Variants in RB1CC1 observed in about 807,000 individuals in gnomAD.
RB1CC1 encodes RB1 inducible coiled-coil 1.
A neutral mutation model predicts 177.5 loss-of-function variants in RB1CC1; 46 were observed. That is an observed-to-expected ratio of 0.26 (90% CI 0.20 to 0.33). RB1CC1 has a LOEUF of 0.33. RB1CC1 is among the 10% of genes least tolerant of loss of function. The pLI, the probability that RB1CC1 is intolerant of heterozygous loss-of-function variation, is 1.00. For missense variants in RB1CC1, 1,703 were observed against 1,816.3 expected (o/e 0.94, Z 1.13); for synonymous variants, 666 against 613.6 (o/e 1.09, Z -1.26).
At chr8:52,704,111 G>A (rs905803995) in intron 1 of RB1CC1, among the ~76,000 whole-genome samples, 10 of 151,980 alleles carry the variant, frequency 6.6e-5, no homozygotes, top group Non-Finnish European at 1.3e-4. Context: ...AAAATACTTG[G>A]AAAGAAATAA....
chr8:52,640,587 T>C (rs763738056), intron 18 of RB1CC1, among the ~76,000 whole-genome samples: 8 of 152,186 alleles, frequency 5.3e-5, no homozygotes, highest in Non-Finnish European at 1.0e-4. Flanking sequence ...AATCATATTA[T>C]AGTAAACTTT....
At chr8:52,643,905 A>G (rs781576097) in intron 16 of RB1CC1, among the ~76,000 whole-genome samples, 10 of 152,000 alleles carry the variant, frequency 6.6e-5, no homozygotes, top group Non-Finnish European at 1.5e-4. Context: ...AAAGTAATAC[A>G]GCATTTTTAA....
intron 3 of RB1CC1, among the ~76,000 whole-genome samples, 197 bp from the exon 4 acceptor site, chr8:52,684,210 C>T (rs112076617): frequency 1.3e-4 from 20 of 152,234 alleles, no homozygotes; most frequent in East Asian, 7.7e-4. Flanking sequence ...AGGTAAATAA[C>T]AGCAAAAGAA....
chr8:52,656,712 T>C lies in RB1CC1; in HGVS notation c.3117A>G (p.Lys1039=), dbSNP rs1297279494. ...GTTTTAATTCCTGTAACTGTTTTTC[T>C]TTTTCCTGGATAATTTCAGCATGAG... ...QESHAEIIQE[K]EKQLQELKLK... The change falls in exon 15 of 24, where the codon AAA becomes AAG. Residue 1039 remains lysine, a synonymous_variant. Transcript: ENST00000025008. The C allele has an allele frequency of 3.7e-6, 6 of 1,613,586 alleles. No homozygotes were observed. The highest frequency in any genetic ancestry group is 1.1e-5 in the South Asian group (1 of 90,990).
chr8:52,643,862 T>TTA, intron 16 of RB1CC1, among the ~76,000 whole-genome samples: 1 of 152,132 alleles, frequency 6.6e-6, no homozygotes, highest in South Asian at 2.1e-4. Context: ...CAATGAATAA[T>TTA]GCTAACAATG....
chr8:52,683,400 A>G (rs1853948933), intron 5 of RB1CC1, 149 bp downstream of exon 5: 3 of 670,386 alleles, frequency 4.5e-6, no homozygotes, highest in South Asian at 4.8e-5. Context: ...TGACCCAGAA[A>G]TTTTAAAACT....
chr8:52,690,673 GTT>G (rs889289802), intron 1 of RB1CC1, among the ~76,000 whole-genome samples: 1 of 152,140 alleles, frequency 6.6e-6, no homozygotes, highest in African/African-American at 2.4e-5. Context: ...TCACTGTATT[GTT>G]TTTTGTTTTC....
At chr8:52,684,947 C>A (rs1409670384) in intron 3 of RB1CC1, among the ~76,000 whole-genome samples, 3 of 149,422 alleles carry the variant, frequency 2.0e-5, no homozygotes, top group African/African-American at 2.5e-5. Context: ...AGAAAGATAA[C>A]AATTACATAT....
chr8:52,624,636 G>C, intron 23 of RB1CC1, 81 bp downstream of exon 23: 2 of 1,135,506 alleles, frequency 1.8e-6, no homozygotes, highest in Non-Finnish European at 2.6e-6. Flanking sequence ...AAGAACAGCA[G>C]TGGTAATGAT....
At chr8:52,709,890 A>G (rs956101722) in intron 1 of RB1CC1, among the ~76,000 whole-genome samples, 2 of 152,238 alleles carry the variant, frequency 1.3e-5, no homozygotes, top group African/African-American at 4.8e-5. Context: ...TAAGCCAGAC[A>G]CTGCTAGGTG....
At chr8:52,686,611 T>C (rs1854296456) in intron 2 of RB1CC1, among the ~76,000 whole-genome samples, 1 of 152,184 alleles carries the variant, frequency 6.6e-6, no homozygotes, top group Non-Finnish European at 1.5e-5. Context: ...TTTCATGGTC[T>C]AGCATTTTAC....
intron 1 of RB1CC1, among the ~76,000 whole-genome samples, chr8:52,695,371 AAGGTC>A (rs1296553479): frequency 6.6e-6 from 1 of 152,236 alleles, no homozygotes; most frequent in Admixed American, 6.5e-5. Context: ...TAACCAAAGA[AAGGTC>A]TGGCCTTTGC....
At chr8:52,684,138 C>T (rs539970792) in intron 3 of RB1CC1, 125 bp from the exon 4 acceptor site, 3 of 1,124,966 alleles carry the variant, frequency 2.7e-6, no homozygotes, top group African/African-American at 1.6e-5. Flanking sequence ...TCCCCAAAAA[C>T]AGTAATAAAA....
intron 8 of RB1CC1, among the ~76,000 whole-genome samples, chr8:52,662,093 C>G (rs1465762781): frequency 6.6e-6 from 1 of 152,002 alleles, no homozygotes; most frequent in Non-Finnish European, 1.5e-5. Context: ...GGGATTTAAT[C>G]TAGCAAACAT....
chr8:52,671,208 C>G (rs1007853835), intron 7 of RB1CC1, among the ~76,000 whole-genome samples: 1 of 152,116 alleles, frequency 6.6e-6, no homozygotes, highest in Non-Finnish European at 1.5e-5. Flanking sequence ...ATTCCAAATC[C>G]TAATTTCCAA....
chr8:52,680,454 T>C (rs903759786), intron 5 of RB1CC1, among the ~76,000 whole-genome samples: 1 of 152,202 alleles, frequency 6.6e-6, no homozygotes, highest in Non-Finnish European at 1.5e-5. Flanking sequence ...CAGTGTGCAC[T>C]GAGTCCATTT....
intron 1 of RB1CC1, among the ~76,000 whole-genome samples, chr8:52,707,479 A>C (rs1395036686): frequency 7.2e-6 from 1 of 139,406 alleles, no homozygotes; most frequent in Non-Finnish European, 1.5e-5. Flanking sequence ...ACAATGGACC[A>C]GGCTTCAGTT....
rs1851070004 is a variant in RB1CC1, at chr8:52,656,226, T to C, written c.3603A>G (p.Gln1201=). Residue 1201 remains glutamine (Q), a synonymous_variant, in exon 15 of 24, where the codon CAA becomes CAG. Transcript: ENST00000025008. ...GGATAATAGCTTCGTATTTCTCTTC[T>C]TGTTGGGTAATTTTTTCATCTTTTT... is the stretch of plus-strand genomic sequence containing the variant. ...ERQKDEKITQ[Q]EEKYEAIIQN... is the part of the protein sequence containing the mutation. The C allele has an allele frequency of 6.2e-7, 1 of 1,613,442 alleles. No individual in the cohort carries two copies. The highest frequency in any genetic ancestry group is 1.7e-5 in the Admixed American group (1 of 59,936).
At chr8:52,672,231 C>T (rs977658464) in intron 7 of RB1CC1, among the ~76,000 whole-genome samples, 1 of 152,156 alleles carries the variant, frequency 6.6e-6, no homozygotes, top group Non-Finnish European at 1.5e-5. Flanking sequence ...ATCCTCTCGC[C>T]TCAGCCTCCC....
Sources: gnomAD v4.1 joint callset for allele counts (sites outside exome capture counted in the v4.1 genomes callset) on GRCh38, gnomAD v4.1.1 for gene constraint, MANE v1.5 for transcripts, NCBI Gene and HGNC (gene_info 2026-07-23, HGNC 2026-07-21) for gene names.